NRXN3: variants seen among roughly 807,000 people sequenced by gnomAD.
The protein encoded by NRXN3 is neurexin 3.
NRXN3 carries 32 observed loss-of-function variants against 137.6 expected under a neutral mutation model. The ratio of observed to expected loss-of-function variants is 0.23; its 90% confidence interval spans 0.18 to 0.31. NRXN3 has a LOEUF of 0.31. Among genes scored for constraint, NRXN3 ranks in the 10% least tolerant of loss-of-function variants. The pLI, the probability that NRXN3 is intolerant of heterozygous loss-of-function variation, is 1.00. For missense variants in NRXN3, 1,574 were observed against 2,062.5 expected (o/e 0.76, Z 4.59); for synonymous variants, 798 against 784.5 (o/e 1.02, Z -0.29).
intron 15 of NRXN3, among the ~76,000 whole-genome samples, chr14:79,454,178 G>A (rs1448460404): frequency 2.0e-5 from 3 of 151,992 alleles, no homozygotes; most frequent in Non-Finnish European, 4.4e-5. Context: ...CTGCCTCCCA[G>A]GTTCAAGCGA....
chr14:79,620,161 C>T (rs952517248), intron 16 of NRXN3, among the ~76,000 whole-genome samples: 2 of 151,964 alleles, frequency 1.3e-5, no homozygotes, highest in African/African-American at 2.4e-5. Context: ...TGAATAATTT[C>T]CAGAAAGAAA....
At chr14:79,453,894 A>G (rs761153869) in intron 15 of NRXN3, among the ~76,000 whole-genome samples, 77 of 151,844 alleles carry the variant, frequency 5.1e-4, no homozygotes, top group Non-Finnish European at 9.7e-4. Flanking sequence ...TCCAATTCCA[A>G]TTTTCATCTC....
chr14:78,918,116 T>C (rs1381163557), intron 10 of NRXN3, among the ~76,000 whole-genome samples: 1 of 150,716 alleles, frequency 6.6e-6, no homozygotes, highest in Non-Finnish European at 1.5e-5. Context: ...AGAAACCTCG[T>C]CTCTACTAAA....
chr14:78,173,550 C>A (rs1347193113), intron 1 of NRXN3, among the ~76,000 whole-genome samples: 1 of 141,078 alleles, frequency 7.1e-6, no homozygotes, highest in African/African-American at 2.6e-5. Flanking sequence ...ACCAATCTCC[C>A]CCTCCATCCT....
chr14:78,201,619 C>G (rs2061685184), intron 1 of NRXN3, among the ~76,000 whole-genome samples: 1 of 152,208 alleles, frequency 6.6e-6, no homozygotes, highest in Non-Finnish European at 1.5e-5. Context: ...CATGGGACTT[C>G]TACGTCAGAG....
At chr14:78,600,207 C>A (rs1275955266) in intron 4 of NRXN3, among the ~76,000 whole-genome samples, 3 of 152,200 alleles carry the variant, frequency 2.0e-5, no homozygotes, top group Non-Finnish European at 4.4e-5. Context: ...CTTGACCCAG[C>A]TTTTTCACTC....
chr14:79,616,450 G>C (rs2098157065), intron 16 of NRXN3, among the ~76,000 whole-genome samples: 1 of 152,116 alleles, frequency 6.6e-6, no homozygotes, highest in South Asian at 2.1e-4. Flanking sequence ...GCAAGGAAAA[G>C]GGGTCAATTA....
chr14:78,483,908 G>A (rs775057817), intron 4 of NRXN3, among the ~76,000 whole-genome samples: 1 of 150,648 alleles, frequency 6.6e-6, no homozygotes, highest in Non-Finnish European at 1.5e-5. Context: ...CTGCTGGTTC[G>A]ATTTTTCAGT....
intron 10 of NRXN3, among the ~76,000 whole-genome samples, chr14:78,912,645 G>A (rs1324602385): frequency 6.6e-6 from 1 of 152,106 alleles, no homozygotes; most frequent in East Asian, 1.9e-4. Context: ...GAACTTGGAG[G>A]ATCATTTATT....
In NRXN3 at chr14:79,090,497, T is replaced by C. The variant is rs1300089570; in HGVS notation, c.3262+102356T>C. On this transcript the variant is annotated intron_variant, in intron 15 of 20. Coordinates refer to ENST00000335750, the MANE Select transcript of NRXN3 (RefSeq NM_001330195.2). ...CTCATCTTGTTCCTTTGCTTTTCAC[T>C]TCTCTAATTTTACCCATCAAGTGAT... Among the ~76,000 whole-genome samples, 3 of 152,156 alleles carry C rather than the reference T, an allele frequency of 2.0e-5. No individual in the cohort carries two copies. The East Asian group carries it at 5.8e-4, about 29-fold the overall frequency.
At chr14:78,640,729 T>C (rs1000553780) in intron 4 of NRXN3, among the ~76,000 whole-genome samples, 1 of 152,232 alleles carries the variant, frequency 6.6e-6, no homozygotes, top group Non-Finnish European at 1.5e-5. Context: ...GTTATACATA[T>C]CTAGATTGCA....
chr14:78,532,558 T>TTC (rs2096482720), intron 4 of NRXN3, among the ~76,000 whole-genome samples: 1 of 151,818 alleles, frequency 6.6e-6, no homozygotes, highest in Admixed American at 6.6e-5. Context: ...CTATAATTCA[T>TTC]TCTCTCTCTC....
At chr14:79,774,667 T>A (rs933500533) in intron 19 of NRXN3, among the ~76,000 whole-genome samples, 2 of 152,170 alleles carry the variant, frequency 1.3e-5, no homozygotes, top group African/African-American at 4.8e-5. Flanking sequence ...CTTTGCTATC[T>A]GGTAGAAATA....
At chr14:78,987,605 T>C (rs1227337487) in intron 14 of NRXN3, among the ~76,000 whole-genome samples, 2 of 152,120 alleles carry the variant, frequency 1.3e-5, no homozygotes, top group African/African-American at 4.8e-5. Context: ...ATAGGGACTG[T>C]TGGTTTCAGG....
intron 20 of NRXN3, among the ~76,000 whole-genome samples, chr14:79,807,476 T>TA (rs1201572148): frequency 6.6e-6 from 1 of 152,096 alleles, no homozygotes; most frequent in Non-Finnish European, 1.5e-5. Context: ...AGTTTATGGG[T>TA]ATATATTGCT....
intron 10 of NRXN3, among the ~76,000 whole-genome samples, chr14:78,813,759 A>T (rs558981387): frequency 6.6e-6 from 1 of 152,148 alleles, no homozygotes; most frequent in African/African-American, 2.4e-5. Context: ...CAAGAGCATG[A>T]AAAAGAAGGA....
chr14:79,015,074 C>T (rs1342735044), intron 15 of NRXN3, among the ~76,000 whole-genome samples: 1 of 152,134 alleles, frequency 6.6e-6, no homozygotes, highest in Non-Finnish European at 1.5e-5. Flanking sequence ...GCAATGTCCC[C>T]ATCTCTTGGT....
At chr14:78,773,894 C>T (rs1365892954) in intron 8 of NRXN3, among the ~76,000 whole-genome samples, 5 of 152,058 alleles carry the variant, frequency 3.3e-5, no homozygotes, top group South Asian at 4.1e-4. Context: ...CTCCGCCTCC[C>T]GGGTTCAAGC....
chr14:79,611,471 GT>G (rs2098101035), intron 16 of NRXN3: 1 of 152,378 alleles, frequency 6.6e-6, no homozygotes, highest in South Asian at 2.1e-4. Context: ...TGGTTGGGGG[GT>G]GCCTGTAGTC....
Sources: gnomAD v4.1 joint callset for allele counts (sites outside exome capture counted in the v4.1 genomes callset) on GRCh38, gnomAD v4.1.1 for gene constraint, MANE v1.5 for transcripts, NCBI Gene and HGNC (gene_info 2026-07-23, HGNC 2026-07-21) for gene names.